Variants in KCTD1 observed in about 807,000 individuals in gnomAD.
KCTD1 encodes the protein BTB/POZ domain-containing protein KCTD1.
Under a neutral mutation model 66.0 loss-of-function variants are expected in KCTD1, and 24 were observed. That is an observed-to-expected ratio of 0.36 (90% confidence interval 0.26 to 0.51). The LOEUF is 0.51. KCTD1 is among the 20% of genes least tolerant of loss of function. KCTD1 has a pLI of 0.95. For synonymous variants in KCTD1, 511 were observed against 517.2 expected, an observed-to-expected ratio of 0.99 and a Z score of 0.16; for missense variants, 943 against 1,205.2, an observed-to-expected ratio of 0.78 and a Z score of 3.22.
intron 1 of KCTD1, among the ~76,000 whole-genome samples, chr18:26,654,169 G>A (rs1443165783): frequency 6.6e-6 from 1 of 152,186 alleles, no homozygotes; most frequent in Non-Finnish European, 1.5e-5. Context: ...GAGCTAAATG[G>A]AAGTTTAAGA....
intron 1 of KCTD1, among the ~76,000 whole-genome samples, chr18:26,560,130 T>G (rs1985810157): frequency 7.9e-6 from 1 of 126,098 alleles, no homozygotes; most frequent in African/African-American, 3.0e-5. Context: ...GTTACCACCT[T>G]CCCCCCACCA....
intron 2 of KCTD1, among the ~76,000 whole-genome samples, chr18:26,500,702 T>C (rs922728117): frequency 6.6e-6 from 1 of 152,202 alleles, no homozygotes; most frequent in African/African-American, 2.4e-5. Flanking sequence ...ACTGATCTCC[T>C]ATAAAATTAT....
intron 2 of KCTD1, among the ~76,000 whole-genome samples, chr18:26,494,499 T>C (rs1287513418): frequency 6.6e-6 from 1 of 152,200 alleles, no homozygotes; most frequent in Non-Finnish European, 1.5e-5. Context: ...ATAAGGCCTT[T>C]TTTGTTCCCT....
In KCTD1 at chr18:26,593,640, A is replaced by AGAT. The variant is rs1555645634; in HGVS notation, c.-16+35506_-16+35507insATC. 1.6e-3 allele frequency among the ~76,000 whole-genome samples: 108 copies of AGAT among 66,262 alleles called. 6 individuals are homozygous for AGAT. The highest frequency in any genetic ancestry group is 2.8e-3 in the South Asian group (5 of 1,770). 43.5% of individuals were successfully genotyped at this position (66,262 alleles called of 152,430 possible). ...AGGAGGAGGAGGAAGATGAGGAGGA[A>AGAT]GAGAAGGAAGAGGAGGAAGAGGAGG... On this transcript the variant is annotated intron_variant, in intron 1 of 4. Coordinates refer to the KCTD1 transcript ENST00000317932.
intron 1 of KCTD1, among the ~76,000 whole-genome samples, chr18:26,620,888 C>A (rs558063074): frequency 0.014 from 2,069 of 148,748 alleles, 49 homozygotes; most frequent in African/African-American, 0.049. Context: ...GCTGGAGTGC[C>A]GTGGCGCGAT....
At chr18:26,487,633 C>G (rs910322365) in intron 2 of KCTD1, among the ~76,000 whole-genome samples, 1 of 152,194 alleles carries the variant, frequency 6.6e-6, no homozygotes, top group Non-Finnish European at 1.5e-5. Context: ...CCCAAGAAGG[C>G]GCTGACAGCA....
At chr18:26,582,714 A>G (rs1986383004) in intron 1 of KCTD1, among the ~76,000 whole-genome samples, 1 of 152,234 alleles carries the variant, frequency 6.6e-6, no homozygotes. Context: ...GAAAAGAAAG[A>G]GGCAGCTTTT....
In KCTD1 at chr18:26,586,916, G is replaced by A. The variant is rs185414036; in HGVS notation, c.-16+42231C>T. Among the ~76,000 whole-genome samples, 11 of 152,324 alleles carry A rather than the reference G, an allele frequency of 7.2e-5. No individual in the cohort carries two copies. In the East Asian group the frequency reaches 1.7e-3, roughly 24 times the overall value. ...AGGTTTAAGGAAAGAAACCATCTCCGTAACATGAAAGTGCAAGGTAAAGGA... is the reference window on the plus strand; with the variant it reads ...AGGTTTAAGGAAAGAAACCATCTCCATAACATGAAAGTGCAAGGTAAAGGA... On this transcript the variant is annotated intron_variant, in intron 1 of 4. Coordinates refer to the KCTD1 transcript ENST00000317932.
chr18:26,577,955 G>C lies in KCTD1; in HGVS notation c.-16+51192C>G, dbSNP rs1035552264. 3.9e-5 allele frequency among the ~76,000 whole-genome samples: 6 copies of C among 152,152 alleles called. No individual in the cohort carries two copies. The East Asian group carries it at 1.2e-3, about 29-fold the overall frequency. Reference sequence around the variant, plus strand: ...TGTTGGAAAGAATTTAGGGATTTGGGAAGAAGTCAATGAAGATGATTATTT... The same window carrying C: ...TGTTGGAAAGAATTTAGGGATTTGGCAAGAAGTCAATGAAGATGATTATTT... On this transcript the variant is annotated intron_variant, in intron 1 of 4. Transcript: ENST00000317932.
At chr18:26,484,610 A>G (rs1031255554) in intron 2 of KCTD1, among the ~76,000 whole-genome samples, 1 of 152,222 alleles carries the variant, frequency 6.6e-6, no homozygotes, top group Non-Finnish European at 1.5e-5. Context: ...AAGTACTATT[A>G]CAATGAAACT....
chr18:26,503,923 G>T (rs1024488197), intron 1 of KCTD1, among the ~76,000 whole-genome samples: 2 of 152,158 alleles, frequency 1.3e-5, no homozygotes, highest in Non-Finnish European at 2.9e-5. Context: ...GAGCCCTCTT[G>T]GTTCTCCTAG....
chr18:26,548,596 T>TG, upstream of KCTD1: 1 of 1,194,526 alleles, frequency 8.4e-7, no homozygotes, highest in South Asian at 4.2e-5. Flanking sequence ...ACCGCAGCGC[T>TG]GAGAGCTTTT....
intron 1 of KCTD1, among the ~76,000 whole-genome samples, chr18:26,654,798 C>T (rs999720245): frequency 1.3e-5 from 2 of 152,168 alleles, no homozygotes; most frequent in Admixed American, 6.5e-5. Flanking sequence ...ACCTTTGCAA[C>T]CTAATTAGTA....
intron 2 of KCTD1, 42 bp downstream of exon 2, chr18:26,501,030 T>C: frequency 6.3e-7 from 1 of 1,596,072 alleles, no homozygotes; most frequent in Non-Finnish European, 8.6e-7. Flanking sequence ...GGTTACCAAA[T>C]ACATGCACGT....
intron 1 of KCTD1, among the ~76,000 whole-genome samples, chr18:26,639,482 A>G (rs1987791032): frequency 6.6e-6 from 1 of 152,202 alleles, no homozygotes; most frequent in South Asian, 2.1e-4. Context: ...TAATGGTTGT[A>G]AAAGGATTTC....
At chr18:26,546,593 G>C (rs1306430490) in intron 1 of KCTD1, 135 bp downstream of exon 1, 4 of 1,037,362 alleles carry the variant, frequency 3.9e-6, no homozygotes. Flanking sequence ...TAACTTCTAA[G>C]GGTGAAACGA....
intron 2 of KCTD1, among the ~76,000 whole-genome samples, chr18:26,485,830 T>G (rs1167774021): frequency 6.6e-6 from 1 of 152,184 alleles, no homozygotes; most frequent in Non-Finnish European, 1.5e-5. Context: ...GTTTTCCATT[T>G]CACAATAATA....
At chr18:26,485,269 C>A (rs1981856509) in intron 2 of KCTD1, among the ~76,000 whole-genome samples, 1 of 152,190 alleles carries the variant, frequency 6.6e-6, no homozygotes, top group African/African-American at 2.4e-5. Flanking sequence ...ATTTTAGAGG[C>A]AAGGACACCT....
At chr18:26,514,564 AAAAAAAAG>A (rs1212257140) in intron 1 of KCTD1, among the ~76,000 whole-genome samples, 1 of 151,460 alleles carries the variant, frequency 6.6e-6, no homozygotes, top group Non-Finnish European at 1.5e-5. Flanking sequence ...AAAAAAAAAA[AAAAAAAAG>A]AAATGGCAGA....
Sources: gnomAD v4.1 joint callset for allele counts (sites outside exome capture counted in the v4.1 genomes callset) on GRCh38, gnomAD v4.1.1 for gene constraint, MANE v1.5 for transcripts, NCBI Gene and HGNC (gene_info 2026-07-23, HGNC 2026-07-21) for gene names.